Variants in ADAMTS2 observed in about 807,000 individuals in gnomAD.
ADAMTS2 encodes the protein ADAM metallopeptidase with thrombospondin type 1 motif 2.
Under a neutral mutation model 123.0 loss-of-function variants are expected in ADAMTS2, and 50 were observed. The observed-to-expected ratio is 0.41, with a 90% confidence interval of 0.32 to 0.51. The LOEUF (loss-of-function observed/expected upper bound fraction) is 0.51. Ranked by LOEUF, ADAMTS2 falls within the 20% of genes least tolerant of loss-of-function variation. The probability of loss-of-function intolerance (pLI) is 0.35; values close to 1 mark genes in which losing one functional copy is unlikely to be tolerated. For missense variants in ADAMTS2, 1,494 were observed against 1,705.2 expected, an observed-to-expected ratio of 0.88 and a Z score of 2.18; for synonymous variants, 678 against 695.4, an observed-to-expected ratio of 0.98 and a Z score of 0.39.
At chr5:179,191,167 C>T (rs34478977) in intron 4 of ADAMTS2, among the ~76,000 whole-genome samples, 25,819 of 152,258 alleles carry the variant, frequency 0.17, 2,523 homozygotes, top group Non-Finnish European at 0.22. Flanking sequence ...AGGGGCCTCT[C>T]GGCCACTGCG....
rs779695756 is a variant in ADAMTS2 at position 179,128,040 on chromosome 5, TGTC to T, written c.2533_2535del (p.Asp845del). 3.4e-5 allele frequency: 55 copies of T among 1,613,984 alleles called. No individual in the cohort carries two copies. Among genetic ancestry groups the T allele is most frequent in the Non-Finnish European group, 4.5e-5 (53 of 1,180,038 alleles). Reference sequence around the variant, plus strand: ...ACAGAGTCCTCTTCCAGGACGTTGTTGTCGTCGACATTCAGTGAGTCCTCATGG... The same window carrying T: ...ACAGAGTCCTCTTCCAGGACGTTGTTGTCGACATTCAGTGAGTCCTCATGG... On this transcript the variant is annotated inframe_deletion, in exon 17 of 22. Coordinates refer to ENST00000251582, the MANE Select transcript of ADAMTS2 (RefSeq NM_014244.5). This position sits in a 1 kb window ranked among gnomAD's most constrained non-coding sequence, Gnocchi z 4.9.
At chr5:179,271,590 T>A (rs1011006856) in intron 3 of ADAMTS2, among the ~76,000 whole-genome samples, 11 of 152,086 alleles carry the variant, frequency 7.2e-5, no homozygotes, top group African/African-American at 2.7e-4. Context: ...AGGGTGGGGA[T>A]AAGTCGAGGC....
intron 12 of ADAMTS2, 123 bp from the exon 13 acceptor site, chr5:179,136,165 G>T: frequency 7.2e-7 from 1 of 1,397,090 alleles, no homozygotes; most frequent in Non-Finnish European, 1.0e-6. Context: ...CTCCAGGGCA[G>T]ACAGAGAGGG....
At chr5:179,280,508 G>A (rs547468543) in intron 2 of ADAMTS2, among the ~76,000 whole-genome samples, 1 of 152,110 alleles carries the variant, frequency 6.6e-6, no homozygotes, top group Non-Finnish European at 1.5e-5. Context: ...GGCAGGTACC[G>A]ATCATCCTTC....
At chr5:179,126,320 C>T (rs1373205943) in intron 17 of ADAMTS2, among the ~76,000 whole-genome samples, 190 bp from the exon 18 acceptor site, 1 of 152,170 alleles carries the variant, frequency 6.6e-6, no homozygotes, top group African/African-American at 2.4e-5. Context: ...GGTGGAGGGG[C>T]GAGAGGGCAG....
intron 4 of ADAMTS2, among the ~76,000 whole-genome samples, chr5:179,200,488 A>G (rs10072825): frequency 0.016 from 2,461 of 152,048 alleles, 60 homozygotes; most frequent in African/African-American, 0.057. Flanking sequence ...ACCTCAAGTG[A>G]TCCGCCCGCC....
rs1045564375 is a variant in ADAMTS2, at chr5:179,234,684, C to T, written c.689-26969G>A. ...CATTGCTGCTGTGCCCATCTCATCTCCACATCCAAGGAGTCACCGCATCCT... is the reference window on the plus strand; with the variant it reads ...CATTGCTGCTGTGCCCATCTCATCTTCACATCCAAGGAGTCACCGCATCCT... On this transcript the variant is annotated intron_variant, in intron 3 of 21. Coordinates refer to ENST00000251582, the MANE Select transcript of ADAMTS2 (RefSeq NM_014244.5). This position sits in a 1 kb window ranked among gnomAD's most constrained non-coding sequence, Gnocchi z 4.7. Among the ~76,000 whole-genome samples the T allele has an allele frequency of 3.3e-5, 5 of 152,134 alleles. No individual in the cohort carries two copies. Among genetic ancestry groups the T allele is most frequent in the African/African-American group, 1.2e-4 (5 of 41,422 alleles).
rs2113201834 is a variant in ADAMTS2, at chr5:179,130,755, A to T, written c.2291-657T>A. Among the ~76,000 whole-genome samples the T allele has an allele frequency of 6.6e-6, 1 of 152,208 alleles. No individual in the cohort carries two copies. On this transcript the variant is annotated intron_variant, in intron 15 of 21. Transcript: ENST00000251582. This position sits in a 1 kb window ranked among gnomAD's most constrained non-coding sequence, Gnocchi z 4.3. ...CTGGGTGATGTGAGTGGGGCCGCAGACAGGGCACTAGTGAGAAAATCATTC... is the reference window on the plus strand; with the variant it reads ...CTGGGTGATGTGAGTGGGGCCGCAGTCAGGGCACTAGTGAGAAAATCATTC...
intron 2 of ADAMTS2, among the ~76,000 whole-genome samples, chr5:179,324,389 TTC>T (rs896426847): frequency 1.8e-5 from 2 of 113,430 alleles, no homozygotes; most frequent in Non-Finnish European, 3.7e-5. Context: ...AGCTTTATTT[TTC>T]TCTTTTTTTT....
chr5:179,293,327 T>G (rs1756240762), intron 2 of ADAMTS2, among the ~76,000 whole-genome samples: 1 of 152,260 alleles, frequency 6.6e-6, no homozygotes. Flanking sequence ...AGCCTCTGAT[T>G]CTTGCAGGCT....
At chr5:179,169,889 A>G (rs529975583) in intron 5 of ADAMTS2, among the ~76,000 whole-genome samples, 1 of 152,356 alleles carries the variant, frequency 6.6e-6, no homozygotes, top group African/African-American at 2.4e-5. Context: ...TTTTATAACA[A>G]GACACTTTAT....
chr5:179,279,532 G>A (rs368881933), intron 2 of ADAMTS2, among the ~76,000 whole-genome samples: 19 of 152,364 alleles, frequency 1.2e-4, no homozygotes, highest in Non-Finnish European at 1.9e-4. Flanking sequence ...GTGGAATGAC[G>A]GTCTCACAGG....
chr5:179,159,723 G>A (rs923536776), intron 5 of ADAMTS2, among the ~76,000 whole-genome samples: 1 of 152,162 alleles, frequency 6.6e-6, no homozygotes, highest in Admixed American at 6.5e-5. Flanking sequence ...TCTTGGACAG[G>A]AAACTGAGAC....
At chr5:179,141,192 G>A (rs1049420803) in intron 10 of ADAMTS2, among the ~76,000 whole-genome samples, 4 of 152,086 alleles carry the variant, frequency 2.6e-5, no homozygotes, top group East Asian at 1.9e-4. Flanking sequence ...GAAAGAGAAC[G>A]CAGCCATTCC....
In ADAMTS2 at chr5:179,175,709, G is replaced by A. The variant is rs142624446; in HGVS notation, c.975+5363C>T. On this transcript the variant is annotated intron_variant, in intron 5 of 21. Transcript: ENST00000251582. The surrounding 1 kb of genome is among the most constrained non-coding windows in gnomAD (Gnocchi z 4.1). ...ACCGTGGATTCTTTTAGGTTTTCCC[G>A]ACACATGATTAACAGCAAACAATGA... Among the ~76,000 whole-genome samples the A allele has an allele frequency of 6.1e-3, 928 of 152,282 alleles. 12 individuals are homozygous for A. The highest frequency in any genetic ancestry group is 0.021 in the African/African-American group (871 of 41,546).
chr5:179,246,369 T>C (rs967252613), intron 3 of ADAMTS2, among the ~76,000 whole-genome samples: 5 of 152,204 alleles, frequency 3.3e-5, no homozygotes, highest in African/African-American at 1.2e-4. Flanking sequence ...CAGACAGTGT[T>C]TGTCAAAAGT....
chr5:179,210,644 C>T (rs917921758), intron 3 of ADAMTS2, among the ~76,000 whole-genome samples: 34 of 152,330 alleles, frequency 2.2e-4, no homozygotes, highest in African/African-American at 7.9e-4. Context: ...CGCCCTGCGT[C>T]TGGCCCCTGG....
chr5:179,238,226 T>G (rs918519903), intron 3 of ADAMTS2, among the ~76,000 whole-genome samples: 8 of 152,122 alleles, frequency 5.3e-5, no homozygotes, highest in Admixed American at 4.6e-4. Flanking sequence ...ATGCAGCAGG[T>G]GGAACCGCAG....
chr5:179,269,983 A>G (rs1162890875), intron 3 of ADAMTS2, among the ~76,000 whole-genome samples: 1 of 152,048 alleles, frequency 6.6e-6, no homozygotes, highest in Non-Finnish European at 1.5e-5. Flanking sequence ...CAGGGAGGAG[A>G]GAAAAGGACC....
Sources: gnomAD v4.1 joint callset for allele counts (sites outside exome capture counted in the v4.1 genomes callset) on GRCh38, gnomAD v4.1.1 for gene constraint, Gnocchi (gnomAD v3.1) non-coding constraint, MANE v1.5 for transcripts, NCBI Gene and HGNC (gene_info 2026-07-23, HGNC 2026-07-21) for gene names.